PIGN: variants seen among roughly 807,000 people sequenced by gnomAD.
PIGN encodes phosphatidylinositol glycan anchor biosynthesis class N.
A neutral mutation model predicts 125.4 loss-of-function variants in PIGN; 117 were observed. The ratio of observed to expected loss-of-function variants is 0.93; its 90% CI spans 0.80 to 1.09. The LOEUF (loss-of-function observed/expected upper bound fraction) is 1.09. Ranked by LOEUF, PIGN falls within the 50% of genes least tolerant of loss-of-function variation. The probability of loss-of-function intolerance (pLI) is 0.00; values close to 1 mark genes in which losing one functional copy is unlikely to be tolerated. For missense variants in PIGN, 1,075 were observed against 1,094.9 expected (o/e 0.98, Z 0.26); for synonymous variants, 392 against 377.8 (o/e 1.04, Z -0.44).
At chr18:62,167,192 T>G (rs1279237507) in intron 1 of PIGN, among the ~76,000 whole-genome samples, 4 of 150,148 alleles carry the variant, frequency 2.7e-5, no homozygotes, top group African/African-American at 9.8e-5. Context: ...AGGAGCGCTC[T>G]CTCTCTCTCT....
chr18:62,106,241 T>C (rs528865130), intron 19 of PIGN, among the ~76,000 whole-genome samples: 1 of 152,352 alleles, frequency 6.6e-6, no homozygotes, highest in East Asian at 1.9e-4. Context: ...ATCTTCCTGC[T>C]ACTTCTATCA....
chr18:62,118,841 C>A (rs2035185048), intron 14 of PIGN, among the ~76,000 whole-genome samples: 1 of 147,136 alleles, frequency 6.8e-6, no homozygotes, highest in Non-Finnish European at 1.5e-5. Context: ...ATTCAGAGAA[C>A]TCAGGTAAAG....
chr18:62,117,084 C>A (rs2035114583), intron 14 of PIGN, among the ~76,000 whole-genome samples: 1 of 151,806 alleles, frequency 6.6e-6, no homozygotes, highest in Non-Finnish European at 1.5e-5. Flanking sequence ...TGGGACATGC[C>A]AAAGGTAGAC....
At chr18:62,135,046 T>C (rs529500464) in intron 14 of PIGN, among the ~76,000 whole-genome samples, 1 of 152,362 alleles carries the variant, frequency 6.6e-6, no homozygotes, top group East Asian at 1.9e-4. Flanking sequence ...ATTTGGAGGA[T>C]CTGCCTCTCA....
At chr18:62,085,682 G>C (rs951923304) in intron 25 of PIGN, among the ~76,000 whole-genome samples, 1 of 152,182 alleles carries the variant, frequency 6.6e-6, no homozygotes, top group East Asian at 1.9e-4. Context: ...GCACATGCTA[G>C]ACCACTTGAA....
At chr18:62,054,336 C>G (rs939624186) in intron 30 of PIGN, among the ~76,000 whole-genome samples, 3 of 151,098 alleles carry the variant, frequency 2.0e-5, no homozygotes, top group African/African-American at 7.3e-5. Flanking sequence ...AAAGCACAAT[C>G]TAAAAAAGTA....
chr18:62,056,575 C>T (rs1437134601), intron 30 of PIGN: 4 of 152,326 alleles, frequency 2.6e-5, no homozygotes, highest in East Asian at 1.9e-4. Context: ...CTTCTCACCC[C>T]GAACTTTCTA....
chr18:62,046,881 G>A (rs532927707), intron 30 of PIGN, among the ~76,000 whole-genome samples: 17 of 152,268 alleles, frequency 1.1e-4, no homozygotes, highest in Middle Eastern at 3.4e-3. Context: ...ATAAACAAAC[G>A]TAAGACGACT....
At chr18:62,093,891 T>C (rs1204197588) in intron 23 of PIGN, among the ~76,000 whole-genome samples, 2 of 152,154 alleles carry the variant, frequency 1.3e-5, no homozygotes, top group African/African-American at 4.8e-5. Flanking sequence ...TTGAAATGAC[T>C]GAACTGTGCT....
chr18:62,166,703 C>G (rs972928576), intron 1 of PIGN, among the ~76,000 whole-genome samples: 1 of 152,158 alleles, frequency 6.6e-6, no homozygotes, highest in Non-Finnish European at 1.5e-5. Context: ...CATATATACA[C>G]CATGGAATAT....
intron 10 of PIGN, among the ~76,000 whole-genome samples, 184 bp from the exon 11 acceptor site, chr18:62,143,530 AC>A (rs911208752): frequency 2.6e-5 from 4 of 152,208 alleles, no homozygotes; most frequent in African/African-American, 9.7e-5. Flanking sequence ...TTTAAAAAAA[AC>A]AAAAAGTAAA....
At chr18:62,023,539 G>T (rs994676707) in intron 23 of PIGN, among the ~76,000 whole-genome samples, 1 of 152,042 alleles carries the variant, frequency 6.6e-6, no homozygotes, top group Admixed American at 6.6e-5. Context: ...CGTTTTTGTG[G>T]CTGCTTATCT....
intron 1 of PIGN, chr18:62,184,380 A>G (rs2037822620): frequency 6.6e-6 from 1 of 152,370 alleles, no homozygotes; most frequent in Admixed American, 6.5e-5. Flanking sequence ...CTTACTAAGT[A>G]GAAAGGAAAT....
Position 62,130,605 on chromosome 18 carries a change from AT to A in PIGN, c.1172+7637del, listed in dbSNP as rs1357581628. ...TACTTTGCTGTAATTGTTACTATTC[AT>A]TTTTTTAATGGTTACTTAATACTAT... On this transcript the variant is annotated intron_variant, in intron 14 of 30. Coordinates refer to ENST00000640252, the MANE Select transcript of PIGN (RefSeq NM_176787.5). Among the ~76,000 whole-genome samples, 11 of 152,042 alleles carry A rather than the reference AT, an allele frequency of 7.2e-5. 1 individual carries two copies. Among genetic ancestry groups the A allele is most frequent in the Admixed American group, 6.6e-4 (10 of 15,258 alleles).
chr18:62,038,306 G>GGGT (rs2030286955), downstream of PIGN, among the ~76,000 whole-genome samples: 1 of 52,212 alleles, frequency 1.9e-5, no homozygotes, highest in Non-Finnish European at 4.1e-5. Context: ...ATCCCCCTCC[G>GGGT]TGTTTTTTTT....
Position 62,090,554 on chromosome 18 carries a change from C to A in PIGN, c.2205G>T (p.Val735=). Residue 735 remains valine (V), a synonymous_variant, in exon 24 of 31, where the codon GTG becomes GTT. Transcript: ENST00000640252. ...TCCAGACAAACATCAAACAAGACAA[C>A]ACTAGTGGAAAGAGAGCTTCATACC... ...STGYEALFPL[V]LSCLMFVWIN... 1.9e-6 allele frequency: 3 copies of A among 1,608,336 alleles called. No individual in the cohort carries two copies. The highest frequency in any genetic ancestry group is 2.6e-6 in the Non-Finnish European group (3 of 1,175,840).
chr18:62,101,545 A>G (rs934960026), intron 21 of PIGN, among the ~76,000 whole-genome samples: 1 of 152,242 alleles, frequency 6.6e-6, no homozygotes, highest in Non-Finnish European at 1.5e-5. Flanking sequence ...AAAGCCAGTC[A>G]GAGTACCATT....
rs61751989 is a variant in PIGN, at chr18:62,146,032, A to T, written c.806-7T>A. On this transcript the variant is annotated splice_polypyrimidine_tract_variant and splice_region_variant and intron_variant, in intron 9 of 30. Transcript: ENST00000640252. Reference sequence around the variant, plus strand: ...TGACCAGCCCCATGGGAACCTACAAATAAGATATAAAGAATAATAAGACAA... The same window carrying T: ...TGACCAGCCCCATGGGAACCTACAATTAAGATATAAAGAATAATAAGACAA... The T allele has an allele frequency of 0.23, 301,202 of 1,302,290 alleles. 36,857 individuals carry two copies. The highest frequency in any genetic ancestry group is 0.26 in the Non-Finnish European group (238,414 of 923,416). 80.7% of individuals were successfully genotyped at this position (1,302,290 alleles called of 1,614,324 possible). A position where few individuals can be genotyped will look rare whatever the true frequency, so the allele number is the denominator to read the frequency against.
intron 14 of PIGN, among the ~76,000 whole-genome samples, chr18:62,126,616 G>T (rs930663558): frequency 1.3e-5 from 2 of 152,014 alleles, no homozygotes; most frequent in Non-Finnish European, 2.9e-5. Context: ...CACTTCCTAC[G>T]CTTTCCCTCT....
Sources: allele counts gnomAD v4.1 joint callset (sites outside exome capture counted in the v4.1 genomes callset), GRCh38; gene constraint gnomAD v4.1.1; transcripts MANE v1.5; gene names NCBI Gene and HGNC (gene_info 2026-07-23, HGNC 2026-07-21).